Variants in SVOPL observed in about 807,000 individuals in gnomAD.
SVOPL encodes the protein SVOP like, also known as putative transporter SVOPL.
In SVOPL, 60 loss-of-function variants were observed where a neutral mutation model predicts 61.0. The observed-to-expected ratio is 0.98, with a 90% CI of 0.80 to 1.22. SVOPL has a LOEUF of 1.22. Ranked by LOEUF, SVOPL falls within the 50% of genes most tolerant of loss-of-function variation. The pLI, the probability that SVOPL is intolerant of heterozygous loss-of-function variation, is 0.00. For synonymous variants in SVOPL, 279 were observed against 250.0 expected, an observed-to-expected ratio of 1.12 and a Z score of -1.09; for missense variants, 662 against 643.9, an observed-to-expected ratio of 1.03 and a Z score of -0.30.
At chr7:138,669,398 ACT>A (rs1802359302) in intron 4 of SVOPL, among the ~76,000 whole-genome samples, 2 of 151,940 alleles carry the variant, frequency 1.3e-5, no homozygotes, top group South Asian at 2.1e-4. Context: ...AAAGAGGGAG[ACT>A]CTGTTTCAAC....
At chr7:138,630,408 G>A (rs1016489183) in intron 9 of SVOPL, among the ~76,000 whole-genome samples, 6 of 152,160 alleles carry the variant, frequency 3.9e-5, no homozygotes, top group Non-Finnish European at 5.9e-5. Context: ...ACCAGCACTG[G>A]CGCGGGGGTG....
At chr7:138,628,076 G>A in intron 11 of SVOPL, 82 bp downstream of exon 11, 2 of 1,498,294 alleles carry the variant, frequency 1.3e-6, no homozygotes, top group African/African-American at 1.4e-5. Flanking sequence ...CGGTGTCACA[G>A]GGTCACACTT....
At chr7:138,634,426 T>G (rs10239745) in intron 9 of SVOPL, among the ~76,000 whole-genome samples, 1 of 150,874 alleles carries the variant, frequency 6.6e-6, no homozygotes, top group Non-Finnish European at 1.5e-5. Flanking sequence ...AAGGATCACC[T>G]GGGGCCAGAA....
chr7:138,668,126 G>A (rs1245711176), intron 4 of SVOPL, among the ~76,000 whole-genome samples: 1 of 152,052 alleles, frequency 6.6e-6, no homozygotes, highest in Non-Finnish European at 1.5e-5. Flanking sequence ...TGGTTCATCT[G>A]ATCTTGTGGC....
intron 14 of SVOPL, among the ~76,000 whole-genome samples, chr7:138,615,619 ATCCCATCTCTACT>A: frequency 1.2e-5 from 1 of 85,612 alleles, no homozygotes; most frequent in Non-Finnish European, 2.7e-5. Context: ...ACATGGTAAA[ATCCCATCTCTACT>A]AAAAATACAA....
intron 14 of SVOPL, among the ~76,000 whole-genome samples, chr7:138,607,469 C>T (rs1471146052): frequency 6.6e-6 from 1 of 152,156 alleles, no homozygotes; most frequent in African/African-American, 2.4e-5. Flanking sequence ...AGTGATGGAG[C>T]CACCAGAAGG....
intron 2 of SVOPL, among the ~76,000 whole-genome samples, chr7:138,678,734 C>A (rs763242595): frequency 1.8e-4 from 28 of 152,074 alleles, no homozygotes; most frequent in African/African-American, 6.8e-4. Flanking sequence ...CCACACTGGC[C>A]TAATTTTTGT....
chr7:138,604,210 C>T (rs1798652808), intron 14 of SVOPL, among the ~76,000 whole-genome samples: 1 of 152,036 alleles, frequency 6.6e-6, no homozygotes, highest in Non-Finnish European at 1.5e-5. Context: ...GCAATCCTCC[C>T]ACTTTGACCT....
intron 5 of SVOPL, 51 bp from the exon 6 acceptor site, chr7:138,660,039 G>A (rs1182398915): frequency 1.3e-6 from 2 of 1,544,942 alleles, no homozygotes; most frequent in Admixed American, 2.0e-5. Context: ...TGCGGGGAGG[G>A]AAGAAGCCCT....
chr7:138,639,731 T>C (rs1485948824), intron 9 of SVOPL, among the ~76,000 whole-genome samples: 1 of 152,060 alleles, frequency 6.6e-6, no homozygotes, highest in Admixed American at 6.6e-5. Flanking sequence ...TCTCGCCCTG[T>C]TGTCCGGGCT....
chr7:138,655,546 C>T (rs1801682950), intron 7 of SVOPL, among the ~76,000 whole-genome samples: 2 of 151,138 alleles, frequency 1.3e-5, no homozygotes, highest in South Asian at 4.2e-4. Context: ...CTTTTATCCT[C>T]CAAGGTGATA....
chr7:138,670,529 A>G (rs1298936272), intron 4 of SVOPL, among the ~76,000 whole-genome samples: 1 of 152,208 alleles, frequency 6.6e-6, no homozygotes, highest in African/African-American at 2.4e-5. Context: ...CCATAAGCAG[A>G]CTCAGCATAC....
chr7:138,686,085 C>G (rs1252569787), intron 1 of SVOPL, among the ~76,000 whole-genome samples: 3 of 152,056 alleles, frequency 2.0e-5, no homozygotes, highest in South Asian at 4.2e-4. Context: ...TCAAGCCAAG[C>G]TGTCCTTTTG....
chr7:138,694,065 G>A (rs551867046), intron 1 of SVOPL, among the ~76,000 whole-genome samples: 1 of 152,278 alleles, frequency 6.6e-6, no homozygotes, highest in East Asian at 1.9e-4. Context: ...CAAGTGCAAG[G>A]GAAATAGGCA....
At chr7:138,686,464 G>A (rs1002495892) in intron 1 of SVOPL, among the ~76,000 whole-genome samples, 6 of 150,502 alleles carry the variant, frequency 4.0e-5, no homozygotes, top group Non-Finnish European at 8.8e-5. Context: ...GCACATCAAG[G>A]TCATTAATGT....
intron 5 of SVOPL, chr7:138,661,955 T>C (rs1802021351): frequency 1.0e-6 from 1 of 985,414 alleles, no homozygotes; most frequent in Non-Finnish European, 1.2e-6. Flanking sequence ...CAATTACCAA[T>C]AGGCTCCTCT....
intron 1 of SVOPL, chr7:138,689,349 A>G (rs968173644): frequency 3.1e-6 from 5 of 1,590,960 alleles, no homozygotes; most frequent in African/African-American, 2.7e-5. Context: ...CAAAGCACCT[A>G]AGATGCGCCG....
At chr7:138,629,623 A>G (rs1368690752) in intron 10 of SVOPL, among the ~76,000 whole-genome samples, 1 of 152,120 alleles carries the variant, frequency 6.6e-6, no homozygotes, top group African/African-American at 2.4e-5. Context: ...TATAGTTAGC[A>G]TGTTTTAGTC....
chr7:138,621,616 T>A (rs1156948000), intron 13 of SVOPL, among the ~76,000 whole-genome samples: 1 of 152,190 alleles, frequency 6.6e-6, no homozygotes, highest in African/African-American at 2.4e-5. Flanking sequence ...AGGGATGGGA[T>A]CTTACTATGT....
Sources: allele counts gnomAD v4.1 joint callset (sites outside exome capture counted in the v4.1 genomes callset), GRCh38; gene constraint gnomAD v4.1.1; transcripts MANE v1.5; gene names NCBI Gene and HGNC (gene_info 2026-07-23, HGNC 2026-07-21).